The following LRP1B variants were observed in gnomAD, a reference collection of about 807,000 sequenced individuals.
The protein encoded by LRP1B is LDL receptor related protein 1B, also known as low-density lipoprotein receptor-related protein 1B.
In LRP1B, 217 loss-of-function variants were observed where a neutral mutation model predicts 556.6. The observed-to-expected ratio is 0.39, with a 90% CI of 0.35 to 0.44. The LOEUF is 0.44. Ranked by LOEUF, LRP1B falls within the 20% of genes least tolerant of loss-of-function variation. The probability of loss-of-function intolerance (pLI) is 1.00; values close to 1 mark genes in which losing one functional copy is unlikely to be tolerated. For synonymous variants in LRP1B, 2,047 were observed against 1,865.8 expected, an observed-to-expected ratio of 1.10 and a Z score of -2.50; for missense variants, 5,053 against 5,620.8, an observed-to-expected ratio of 0.90 and a Z score of 3.23.
At chr2:141,051,160 C>T (rs770528611) in intron 10 of LRP1B, among the ~76,000 whole-genome samples, 7 of 152,152 alleles carry the variant, frequency 4.6e-5, no homozygotes, top group African/African-American at 1.4e-4. Flanking sequence ...GAAATAGAAA[C>T]GCTTTTACAT....
At chr2:141,164,331 A>G (rs1680162140) in intron 7 of LRP1B, among the ~76,000 whole-genome samples, 1 of 152,076 alleles carries the variant, frequency 6.6e-6, no homozygotes, top group Non-Finnish European at 1.5e-5. Context: ...AACATTGGTA[A>G]AGGAATTCCC....
At chr2:141,023,942 G>T (rs559678121) in intron 11 of LRP1B, among the ~76,000 whole-genome samples, 1 of 152,124 alleles carries the variant, frequency 6.6e-6, no homozygotes, top group South Asian at 2.1e-4. Flanking sequence ...GTATGGTAAA[G>T]TGCTTTAAAT....
intron 1 of LRP1B, among the ~76,000 whole-genome samples, chr2:141,903,864 T>C (rs1482500740): frequency 1.3e-5 from 2 of 151,892 alleles, no homozygotes; most frequent in African/African-American, 4.8e-5. Flanking sequence ...GATGGACCAG[T>C]TACTTGTTTA....
chr2:141,971,711 T>A (rs184837280), intron 1 of LRP1B, among the ~76,000 whole-genome samples: 93 of 151,638 alleles, frequency 6.1e-4, no homozygotes, highest in African/African-American at 2.2e-3. Context: ...AAAAATGGTA[T>A]AACACACAGC....
intron 41 of LRP1B, among the ~76,000 whole-genome samples, chr2:140,623,665 T>C (rs911784872): frequency 4.6e-5 from 7 of 151,976 alleles, no homozygotes; most frequent in Non-Finnish European, 1.0e-4. Flanking sequence ...ACTCCTGTAA[T>C]CCCAGCACTT....
chr2:140,633,062 C>CAAAAAAAAAAA (rs1342006327), intron 41 of LRP1B, among the ~76,000 whole-genome samples: 1 of 111,966 alleles, frequency 8.9e-6, no homozygotes, highest in African/African-American at 3.5e-5. Context: ...GATTCAGTCT[C>CAAAAAAAAAAA]AAAAAAAAGA....
At chr2:141,836,159 A>T (rs1450608739) in intron 1 of LRP1B, among the ~76,000 whole-genome samples, 3 of 152,088 alleles carry the variant, frequency 2.0e-5, no homozygotes, top group Non-Finnish European at 4.4e-5. Context: ...GGAAATTAGA[A>T]TGTCTTAAAA....
chr2:140,272,718 A>T (rs1210713429), intron 85 of LRP1B, among the ~76,000 whole-genome samples: 2 of 152,030 alleles, frequency 1.3e-5, no homozygotes, highest in Non-Finnish European at 2.9e-5. Flanking sequence ...AGTATCATAG[A>T]AATAAAAATG....
chr2:141,768,873 A>ATG (rs57439402), intron 2 of LRP1B, among the ~76,000 whole-genome samples: 51,651 of 150,678 alleles, frequency 0.34, 8,876 homozygotes, highest in African/African-American at 0.42. Context: ...AGATACAGAT[A>ATG]TGTGTGTGTG....
chr2:141,371,308 T>C lies in LRP1B; in HGVS notation c.343+109088A>G, dbSNP rs189887028. 2.6e-3 allele frequency among the ~76,000 whole-genome samples: 391 copies of C among 152,336 alleles called. 2 individuals carry two copies. In the Middle Eastern group the frequency reaches 0.034, roughly 13 times the overall value. On this transcript the variant is annotated intron_variant, in intron 3 of 90. Coordinates refer to ENST00000389484, the MANE Select transcript of LRP1B (RefSeq NM_018557.3). ...TAGTATTATCTGAAGTCAGACAATG[T>C]AATGCTTCTAGCTTTGTTCATTTTG...
intron 83 of LRP1B, 47 bp from the exon 84 acceptor site, chr2:140,298,016 A>G (rs771850996): frequency 2.0e-6 from 3 of 1,518,452 alleles, no homozygotes; most frequent in Non-Finnish European, 2.7e-6. Flanking sequence ...CAACCAAAAT[A>G]GTTTATTTTC....
At chr2:141,198,846 C>T (rs753739800) in intron 6 of LRP1B, among the ~76,000 whole-genome samples, 39 of 152,096 alleles carry the variant, frequency 2.6e-4, no homozygotes, top group African/African-American at 4.1e-4. Context: ...TCATCCATTC[C>T]ATTTTTATCT....
chr2:140,606,186 A>AC (rs1237554440), intron 41 of LRP1B, among the ~76,000 whole-genome samples: 1 of 152,116 alleles, frequency 6.6e-6, no homozygotes, highest in East Asian at 1.9e-4. Flanking sequence ...TACAAAAGCA[A>AC]CATACAAAAA....
intron 3 of LRP1B, among the ~76,000 whole-genome samples, chr2:141,452,765 G>A: frequency 6.6e-6 from 1 of 152,164 alleles, no homozygotes; most frequent in Non-Finnish European, 1.5e-5. Flanking sequence ...AGTCCTTGCT[G>A]AACACTTGTT....
chr2:141,026,046 C>T lies in LRP1B; in HGVS notation c.1790-5944G>A, dbSNP rs146527548. Among the ~76,000 whole-genome samples the T allele has an allele frequency of 4.3e-3, 655 of 152,132 alleles. 8 individuals are homozygous for T. The highest frequency in any genetic ancestry group is 0.015 in the African/African-American group (633 of 41,552). On this transcript the variant is annotated intron_variant, in intron 11 of 90. Transcript: ENST00000389484. ...GGGGAGAAAGTCATTTCCATTAACACCATTTTACTACCTAACTCTGCCTAT... is the reference window on the plus strand; with the variant it reads ...GGGGAGAAAGTCATTTCCATTAACATCATTTTACTACCTAACTCTGCCTAT...
intron 7 of LRP1B, among the ~76,000 whole-genome samples, chr2:141,185,858 C>T (rs1681226103): frequency 6.6e-6 from 1 of 151,726 alleles, no homozygotes; most frequent in South Asian, 2.1e-4. Flanking sequence ...GTGGGAGGAT[C>T]ACAAGAGGTC....
At chr2:141,240,626 A>G (rs914157427) in intron 5 of LRP1B, among the ~76,000 whole-genome samples, 1 of 152,088 alleles carries the variant, frequency 6.6e-6, no homozygotes, top group Non-Finnish European at 1.5e-5. Context: ...AATTTCTCTC[A>G]CATTCTAAAT....
chr2:141,947,933 C>T (rs1315690044), intron 1 of LRP1B, among the ~76,000 whole-genome samples: 1 of 152,034 alleles, frequency 6.6e-6, no homozygotes, highest in East Asian at 1.9e-4. Flanking sequence ...CTCCACTGAT[C>T]CATTTATTTA....
chr2:141,139,983 A>G (rs1324165803), intron 7 of LRP1B, among the ~76,000 whole-genome samples: 1 of 152,126 alleles, frequency 6.6e-6, no homozygotes, highest in African/African-American at 2.4e-5. Flanking sequence ...ACTGTGGTAT[A>G]TATGTAAAAT....
Sources: gnomAD v4.1 joint callset for allele counts (sites outside exome capture counted in the v4.1 genomes callset) on GRCh38, gnomAD v4.1.1 for gene constraint, MANE v1.5 for transcripts, NCBI Gene and HGNC (gene_info 2026-07-23, HGNC 2026-07-21) for gene names.